GBP3: variants seen among roughly 807,000 people sequenced by gnomAD.
GBP3 encodes guanylate binding protein 3.
Under a neutral mutation model 62.4 loss-of-function variants are expected in GBP3, and 55 were observed. That is an observed-to-expected ratio of 0.88 (90% confidence interval 0.71 to 1.10). The LOEUF (loss-of-function observed/expected upper bound fraction) is 1.10. Among genes scored for constraint, GBP3 ranks in the 50% least tolerant of loss-of-function variants. The pLI, the probability that GBP3 is intolerant of heterozygous loss-of-function variation, is 0.00. For synonymous variants in GBP3, 208 were observed against 259.2 expected, an observed-to-expected ratio of 0.80 and a Z score of 1.90; for missense variants, 605 against 690.6, an observed-to-expected ratio of 0.88 and a Z score of 1.39.
chr1:89,019,496 C>G (rs980753638), intron 2 of GBP3, among the ~76,000 whole-genome samples: 1 of 152,194 alleles, frequency 6.6e-6, no homozygotes, highest in Non-Finnish European at 1.5e-5. Context: ...CCATGTTGGT[C>G]AGGCTAGTCT....
chr1:89,015,530 A>G, intron 2 of GBP3, 116 bp from the exon 3 acceptor site: 1 of 842,094 alleles, frequency 1.2e-6, no homozygotes, highest in Non-Finnish European at 1.8e-6. Flanking sequence ...AACCACAATC[A>G]GTACTTACGT....
At position 89,007,812 on chromosome 1, in the gene GBP3, C is replaced by CT; in HGVS notation, c.1699dup (p.Ser567LysfsTer7). ...TTGTATCTCATTTTGAAGTTGGGTA[C>CT]TTTCACCTTGGCATCTCTCCTTTAG... On this transcript the variant is annotated frameshift_variant, in exon 11 of 11. Coordinates refer to ENST00000370481, the MANE Select transcript of GBP3 (RefSeq NM_018284.3). LOFTEE classifies it low-confidence loss of function (END_TRUNC). The CT allele has an allele frequency of 6.2e-7, 1 of 1,613,300 alleles. No individual in the cohort carries two copies. The highest frequency in any genetic ancestry group is 1.1e-5 in the South Asian group (1 of 91,044).
At chr1:89,021,834 A>AG (rs1679250212) in intron 1 of GBP3, among the ~76,000 whole-genome samples, 1 of 146,314 alleles carries the variant, frequency 6.8e-6, no homozygotes, top group Non-Finnish European at 1.5e-5. Flanking sequence ...AGAGAGAGAA[A>AG]GTGCCAGCAA....
intron 1 of GBP3, among the ~76,000 whole-genome samples, chr1:89,021,797 GAGAGAGAGAGAGA>G: frequency 8.1e-6 from 1 of 124,154 alleles, no homozygotes; most frequent in African/African-American, 4.9e-5. Flanking sequence ...ATGAGAGAGA[GAGAGAGAGAGAGA>G]GAGAGAGAGA....
At chr1:89,008,719 G>T in intron 10 of GBP3, 3 of 708,230 alleles carry the variant, frequency 4.2e-6, no homozygotes, top group Non-Finnish European at 6.8e-6. Context: ...GCCGTAAGTG[G>T]AAGGATACAC....
Position 89,013,216 on chromosome 1 carries a change from A to G in GBP3, c.837T>C (p.Thr279=). 3 of 1,614,142 alleles carry G rather than the reference A, an allele frequency of 1.9e-6. No homozygotes were observed. The highest frequency in any genetic ancestry group is 2.5e-6 in the Non-Finnish European group (3 of 1,179,984). Reference sequence around the variant, plus strand: ...CATTGACCTTGATGCCTCCTGAAAGAGTTTTAGTTTTGGAATTGCTAAAGA... The same window carrying G: ...CATTGACCTTGATGCCTCCTGAAAGGGTTTTAGTTTTGGAATTGCTAAAGA... ...SYIFSNSKTK[T]LSGGIKVNGP... Residue 279 remains threonine (T), a synonymous_variant, in exon 6 of 11, where the codon ACT becomes ACC. Transcript: ENST00000370481.
chr1:89,015,744 T>TAA (rs58886103), intron 2 of GBP3, among the ~76,000 whole-genome samples: 33,141 of 85,526 alleles, frequency 0.39, 6,757 homozygotes, highest in Non-Finnish European at 0.43. Context: ...ACTCTTGTCT[T>TAA]AAAAAAAAAA....
In GBP3 at chr1:89,014,629, A is replaced by G; in HGVS notation, c.346T>C (p.Phe116Leu). Residue 116 changes from phenylalanine to leucine, a missense_variant, in exon 4 of 11, where the codon TTC becomes CTC. Phe to Leu is a conservative substitution (Grantham distance 22). Coordinates refer to ENST00000370481, the MANE Select transcript of GBP3 (RefSeq NM_018284.3). ...CTGCTCAGGAGGACGGCCAGGGTGA[A>G]GATCCAGGAGTCATTCTGGTTGTCA... ...KGDNQNDSWI[F>L]TLAVLLSSTL... 6.2e-7 allele frequency: 1 copy of G among 1,614,108 alleles called. No homozygotes were observed. Among genetic ancestry groups the G allele is most frequent in the Non-Finnish European group, 8.5e-7 (1 of 1,179,974 alleles).
At position 89,009,122 on chromosome 1, in the gene GBP3, T is replaced by A; in HGVS notation, c.1484A>T (p.Glu495Val). 6.2e-7 allele frequency: 1 copy of A among 1,614,158 alleles called. No individual in the cohort carries two copies. Among genetic ancestry groups the A allele is most frequent in the Non-Finnish European group, 8.5e-7 (1 of 1,180,030 alleles). ...CATTTTTGCTGAAGCCTGTGCAGAT[T>A]CAGCTTTTACACATTCCACTGTGGA... Reference protein sequence around the residue: ...KEIEVECVKAESAQASAKMVE... With the variant: ...KEIEVECVKAVSAQASAKMVE... Residue 495 changes from glutamate to valine, a missense_variant, in exon 10 of 11, where the codon GAA becomes GTA. This residue lies in a region of GBP3 where 160 missense variants were observed against 147.8 expected (regional missense o/e 1.08). Coordinates refer to ENST00000370481, the MANE Select transcript of GBP3 (RefSeq NM_018284.3).
At chr1:89,007,992 T>C in intron 10 of GBP3, 140 bp from the exon 11 acceptor site, 1 of 771,960 alleles carries the variant, frequency 1.3e-6, no homozygotes. Flanking sequence ...TAATTATAGT[T>C]TTTCTGGGCA....
rs1678270659 is a variant in GBP3 at position 89,007,328 on chromosome 1, T to C, written c.*396A>G. On this transcript the variant is annotated 3_prime_UTR_variant, in exon 11 of 11. Coordinates refer to ENST00000370481, the MANE Select transcript of GBP3 (RefSeq NM_018284.3). ...CATAGACCTTGTAGCCTTGATATAA[T>C]GGAGAACTGTACACTGTCTTCCCTA... 6.2e-6 allele frequency: 1 copy of C among 161,890 alleles called. No homozygotes were observed. Among genetic ancestry groups the C allele is most frequent in the African/African-American group, 2.4e-5 (1 of 41,628 alleles). 10.0% of individuals were successfully genotyped at this position (161,890 alleles called of 1,614,324 possible). A position where few individuals can be genotyped will look rare whatever the true frequency, so the allele number is the denominator to read the frequency against.
At chr1:89,013,048 G>C in intron 6 of GBP3, 137 bp downstream of exon 6, 1 of 883,268 alleles carries the variant, frequency 1.1e-6, no homozygotes, top group Non-Finnish European at 1.8e-6. Flanking sequence ...ATGTGGGCTA[G>C]GTTGGTCTCA....
intron 2 of GBP3, among the ~76,000 whole-genome samples, chr1:89,015,744 T>TAAAAA (rs58886103): frequency 1.3e-4 from 11 of 86,020 alleles, no homozygotes; most frequent in African/African-American, 3.3e-4. Flanking sequence ...ACTCTTGTCT[T>TAAAAA]AAAAAAAAAA....
chr1:89,015,918 C>T (rs770252025), intron 2 of GBP3, among the ~76,000 whole-genome samples: 1 of 151,992 alleles, frequency 6.6e-6, no homozygotes, highest in Non-Finnish European at 1.5e-5. Context: ...ACTTCTTTTC[C>T]ACAAAGTACT....
intron 5 of GBP3, 128 bp downstream of exon 5, chr1:89,013,955 A>T: frequency 9.8e-7 from 1 of 1,019,434 alleles, no homozygotes; most frequent in South Asian, 1.7e-5. Context: ...AGCAAGCATT[A>T]ATTCTTAAGA....
chr1:89,009,356 CTTT>C, intron 9 of GBP3, 33 bp downstream of exon 9: 1 of 1,598,070 alleles, frequency 6.3e-7, no homozygotes, highest in Admixed American at 1.7e-5. Context: ...ATTTGAAAAG[CTTT>C]AGGATAATCT....
chr1:89,020,075 A>G, intron 2 of GBP3: 1 of 245,426 alleles, frequency 4.1e-6, no homozygotes, highest in Non-Finnish European at 8.4e-6. Flanking sequence ...CCCTGTGTCT[A>G]CCAAAAATAC....
At chr1:89,017,172 T>A (rs1678928483) in intron 2 of GBP3, among the ~76,000 whole-genome samples, 1 of 152,130 alleles carries the variant, frequency 6.6e-6, no homozygotes, top group South Asian at 2.1e-4. Flanking sequence ...TATCAACTAA[T>A]GGAGTAAAGT....
intron 10 of GBP3, among the ~76,000 whole-genome samples, chr1:89,008,678 A>G (rs1678374068): frequency 1.3e-5 from 2 of 151,972 alleles, no homozygotes; most frequent in African/African-American, 4.8e-5. Context: ...AGATATAGAT[A>G]AGGCATTTTT....
Sources: gnomAD v4.1 joint callset for allele counts (sites outside exome capture counted in the v4.1 genomes callset) on GRCh38, gnomAD v4.1.1 for gene constraint, gnomAD v4.1.1 regional missense constraint, MANE v1.5 for transcripts, NCBI Gene and HGNC (gene_info 2026-07-23, HGNC 2026-07-21) for gene names.